Variants in RALB observed in about 807,000 individuals in gnomAD.
RALB encodes ras-related protein Ral-B.
In RALB, 16 loss-of-function variants were observed where a neutral mutation model predicts 21.3. The observed-to-expected ratio is 0.75, with a 90% CI of 0.51 to 1.14. The LOEUF (loss-of-function observed/expected upper bound fraction) is 1.14. Among genes scored for constraint, RALB ranks in the 50% most tolerant of loss-of-function variants. RALB has a pLI of 0.00. For missense variants in RALB, 161 were observed against 256.2 expected (o/e 0.63, Z 2.54); for synonymous variants, 93 against 96.1 (o/e 0.97, Z 0.19).
At chr2:120,277,666 CGTT>C (rs1252765183) in intron 1 of RALB, among the ~76,000 whole-genome samples, 3 of 136,644 alleles carry the variant, frequency 2.2e-5, no homozygotes, top group African/African-American at 8.4e-5. Context: ...GTTGTGAGAG[CGTT>C]GTGAACGTGT....
chr2:120,288,831 G>A (rs866657688), intron 3 of RALB, among the ~76,000 whole-genome samples: 11 of 152,148 alleles, frequency 7.2e-5, no homozygotes, highest in South Asian at 2.1e-4. Flanking sequence ...GTATTGGAAT[G>A]TGATTACTGC....
At chr2:120,263,336 T>G (rs141510063) in intron 1 of RALB, among the ~76,000 whole-genome samples, 2 of 151,418 alleles carry the variant, frequency 1.3e-5, no homozygotes, top group African/African-American at 4.8e-5. Context: ...ACCCAGCTAA[T>G]TTTTGTAGAG....
chr2:120,264,049 A>G (rs143848701), intron 1 of RALB, among the ~76,000 whole-genome samples: 4,926 of 151,766 alleles, frequency 0.032, 140 homozygotes, highest in East Asian at 0.078. Flanking sequence ...GGGTTTTACC[A>G]TGTTGGCCAG....
chr2:120,252,245 G>A (rs1461798310), upstream of RALB, among the ~76,000 whole-genome samples: 2 of 152,068 alleles, frequency 1.3e-5, no homozygotes, highest in Non-Finnish European at 2.9e-5. Flanking sequence ...CTGCCTCGAG[G>A]CTATGGCTGG....
At chr2:120,242,933 A>C (rs1426465143) in intron 1 of RALB, among the ~76,000 whole-genome samples, 2 of 152,178 alleles carry the variant, frequency 1.3e-5, no homozygotes, top group Non-Finnish European at 2.9e-5. Context: ...AAGTAAATAA[A>C]AAAATAAACA....
chr2:120,262,157 A>G (rs1689380616), intron 1 of RALB, among the ~76,000 whole-genome samples: 2 of 152,176 alleles, frequency 1.3e-5, no homozygotes, highest in African/African-American at 4.8e-5. Context: ...TGATAGTAAC[A>G]AGGTGAAGGA....
At chr2:120,255,221 C>A (rs1193868508) in intron 1 of RALB, among the ~76,000 whole-genome samples, 1 of 152,102 alleles carries the variant, frequency 6.6e-6, no homozygotes, top group Non-Finnish European at 1.5e-5. Flanking sequence ...GCTCCAGTTA[C>A]TGCTAAACAG....
At chr2:120,287,317 G>A (rs1467130879) in intron 3 of RALB, among the ~76,000 whole-genome samples, 1 of 152,188 alleles carries the variant, frequency 6.6e-6, no homozygotes, top group African/African-American at 2.4e-5. Flanking sequence ...CTTCAGAGTC[G>A]AAGACCTACT....
upstream of RALB, among the ~76,000 whole-genome samples, chr2:120,251,102 C>T (rs1477219838): frequency 6.6e-6 from 1 of 152,224 alleles, no homozygotes; most frequent in Non-Finnish European, 1.5e-5. Context: ...GGATGGGGGG[C>T]AGGTGGGAAC....
At chr2:120,276,131 TG>T (rs143109160) in intron 1 of RALB, among the ~76,000 whole-genome samples, 12,126 of 152,264 alleles carry the variant, frequency 0.08, 645 homozygotes, top group Non-Finnish European at 0.12. Context: ...GTGCTAAAAA[TG>T]GGGGAGGTGG....
chr2:120,264,846 G>T (rs748231932), intron 1 of RALB, among the ~76,000 whole-genome samples: 7 of 152,100 alleles, frequency 4.6e-5, no homozygotes, highest in Non-Finnish European at 1.0e-4. Context: ...CATATCAGTG[G>T]AATCATAGTA....
chr2:120,274,217 CAGA>C (rs1047134870), intron 1 of RALB, among the ~76,000 whole-genome samples: 9 of 152,254 alleles, frequency 5.9e-5, no homozygotes, highest in African/African-American at 2.2e-4. Flanking sequence ...GAAATGAGGC[CAGA>C]AGTAGTTTCA....
At chr2:120,260,439 G>A (rs1409582503) in intron 1 of RALB, among the ~76,000 whole-genome samples, 1 of 152,276 alleles carries the variant, frequency 6.6e-6, no homozygotes, top group African/African-American at 2.4e-5. Context: ...GTGGGCAGGG[G>A]CAGCAGCAAG....
At chr2:120,259,299 G>A (rs1048841120) in intron 1 of RALB, among the ~76,000 whole-genome samples, 38 of 152,288 alleles carry the variant, frequency 2.5e-4, no homozygotes, top group African/African-American at 8.4e-4. Flanking sequence ...AGAGCCGAAT[G>A]GCCTGTTTTG....
chr2:120,278,983 C>A (rs76023665), intron 2 of RALB, among the ~76,000 whole-genome samples: 3 of 152,132 alleles, frequency 2.0e-5, no homozygotes, highest in Non-Finnish European at 2.9e-5. Flanking sequence ...TCAACTCCGG[C>A]GGGGATGTGA....
chr2:120,253,434 T>C, intron 1 of RALB: 2 of 985,662 alleles, frequency 2.0e-6, no homozygotes, highest in Non-Finnish European at 2.4e-6. Context: ...CCTAAAGGGC[T>C]TCGGTTTGCT....
chr2:120,256,618 G>A (rs1418993966), intron 1 of RALB, among the ~76,000 whole-genome samples: 1 of 152,098 alleles, frequency 6.6e-6, no homozygotes, highest in Non-Finnish European at 1.5e-5. Context: ...TGCCATGATT[G>A]TAAGTTTCCT....
upstream of RALB, among the ~76,000 whole-genome samples, chr2:120,251,349 C>T (rs1450649558): frequency 2.6e-5 from 4 of 152,336 alleles, no homozygotes; most frequent in African/African-American, 7.2e-5. Context: ...ATCGTGGCCT[C>T]TGGTGGCAAT....
chr2:120,242,982 G>A (rs768736489), intron 1 of RALB, among the ~76,000 whole-genome samples: 1 of 152,158 alleles, frequency 6.6e-6, no homozygotes, highest in Non-Finnish European at 1.5e-5. Flanking sequence ...GGGCCAAATT[G>A]GCATGGTGCC....
Sources: gnomAD v4.1 joint callset for allele counts (sites outside exome capture counted in the v4.1 genomes callset) on GRCh38, gnomAD v4.1.1 for gene constraint, MANE v1.5 for transcripts, NCBI Gene and HGNC (gene_info 2026-07-23, HGNC 2026-07-21) for gene names.